Variants in PCDHGB2 observed in about 807,000 individuals in gnomAD.
PCDHGB2 encodes the protein protocadherin gamma subfamily B, 2.
In PCDHGB2, 55 loss-of-function variants were observed where a neutral mutation model predicts 59.3. The ratio of observed to expected loss-of-function variants is 0.93; its 90% CI spans 0.75 to 1.16. The LOEUF (loss-of-function observed/expected upper bound fraction) is 1.16. Among genes scored for constraint, PCDHGB2 ranks in the 50% most tolerant of loss-of-function variants. The pLI is 0.00. For missense variants in PCDHGB2, 1,228 were observed against 1,198.5 expected, an observed-to-expected ratio of 1.02 and a Z score of -0.36; for synonymous variants, 516 against 512.0, an observed-to-expected ratio of 1.01 and a Z score of -0.11.
intron 1 of PCDHGB2, chr5:141,365,288 G>T (rs1293975471): frequency 1.2e-6 from 2 of 1,613,842 alleles, no homozygotes; most frequent in African/African-American, 2.7e-5. Context: ...CATGGAAGTG[G>T]TAGCTCAGGA....
intron 1 of PCDHGB2, chr5:141,399,077 G>A (rs1589355843): frequency 6.2e-7 from 1 of 1,613,830 alleles, no homozygotes; most frequent in Non-Finnish European, 8.5e-7. Context: ...GTTGTAGAAG[G>A]GAGGGATGGT....
chr5:141,419,317 T>C, intron 1 of PCDHGB2: 1 of 1,613,952 alleles, frequency 6.2e-7, no homozygotes, highest in Non-Finnish European at 8.5e-7. Flanking sequence ...TCAACGGCCG[T>C]GTCTCCTACT....
intron 1 of PCDHGB2, among the ~76,000 whole-genome samples, chr5:141,479,909 A>G (rs2099509651): frequency 6.6e-6 from 1 of 152,160 alleles, no homozygotes; most frequent in South Asian, 2.1e-4. Context: ...AAACACTGTT[A>G]TTTTGTTACT....
At position 141,376,211 on chromosome 5, in the gene PCDHGB2, G is replaced by T; in HGVS notation, c.2421+13655G>T. The T allele has an allele frequency of 6.2e-7, 1 of 1,614,180 alleles. No homozygotes were observed. Among genetic ancestry groups the T allele is most frequent in the South Asian group, 1.1e-5 (1 of 91,070 alleles). ...CTGCGTCTTCCTGGCCTTCGTCATC[G>T]TGCTGCTGGCGCTCAGACTGCAGCG... On this transcript the variant is annotated intron_variant, in intron 1 of 3. Transcript: ENST00000522605.
intron 1 of PCDHGB2, among the ~76,000 whole-genome samples, chr5:141,401,455 A>G (rs1589438348): frequency 6.6e-6 from 1 of 152,256 alleles, no homozygotes; most frequent in East Asian, 1.9e-4. Flanking sequence ...AATCATCCAA[A>G]TAATTTTCTA....
At chr5:141,372,803 G>A (rs539583252) in intron 1 of PCDHGB2, 71 of 1,593,016 alleles carry the variant, frequency 4.5e-5, no homozygotes, top group Non-Finnish European at 6.1e-5. Flanking sequence ...CAGGCAATTT[G>A]CAAAAGGTGA....
intron 1 of PCDHGB2, among the ~76,000 whole-genome samples, chr5:141,459,759 G>A (rs1164466104): frequency 7.2e-5 from 11 of 152,206 alleles, no homozygotes; most frequent in Non-Finnish European, 2.9e-5. Context: ...TCTAGTGGGT[G>A]TGTGATACTA....
At chr5:141,369,226 G>A (rs1028209484) in intron 1 of PCDHGB2, among the ~76,000 whole-genome samples, 2 of 152,058 alleles carry the variant, frequency 1.3e-5, no homozygotes, top group African/African-American at 4.8e-5. Context: ...AAAGTGGACA[G>A]GAAGATTACT....
chr5:141,364,173 G>C, intron 1 of PCDHGB2: 1 of 806,624 alleles, frequency 1.2e-6, no homozygotes. Flanking sequence ...ACCCGACTCT[G>C]CTCCCTCCAT....
intron 1 of PCDHGB2, among the ~76,000 whole-genome samples, chr5:141,444,312 C>G (rs2098431691): frequency 6.6e-6 from 1 of 151,856 alleles, no homozygotes; most frequent in Non-Finnish European, 1.5e-5. Flanking sequence ...GCTAGGATTA[C>G]AGGCATGTGC....
In PCDHGB2 at chr5:141,421,591, G is replaced by A. The variant is rs1273484124; in HGVS notation, c.2421+59035G>A. The A allele has an allele frequency of 1.9e-6, 3 of 1,613,756 alleles. No homozygotes were observed. In the Admixed American group the frequency reaches 5.0e-5, roughly 27 times the overall value. ...CACCTTGAAGATTTACGGAGTGGAG[G>A]TGGAAATAATAGATATTAATGATAA... is the stretch of plus-strand genomic sequence containing the variant. On this transcript the variant is annotated intron_variant, in intron 1 of 3. Transcript: ENST00000522605.
Position 141,486,657 on chromosome 5 carries a change from T to C in PCDHGB2, c.2422-8150T>C. Reference sequence around the variant, plus strand: ...AATGCGCTTATCTCCTACTCACTCCTGGAGCCCAGGAATCGAGATGTATCA... The same window carrying C: ...AATGCGCTTATCTCCTACTCACTCCCGGAGCCCAGGAATCGAGATGTATCA... On this transcript the variant is annotated intron_variant, in intron 1 of 3. Transcript: ENST00000522605. The surrounding 1 kb of genome is among the most constrained non-coding windows in gnomAD (Gnocchi z 5.0). The C allele has an allele frequency of 6.2e-7, 1 of 1,614,010 alleles. No individual in the cohort carries two copies. Among genetic ancestry groups the C allele is most frequent in the Non-Finnish European group, 8.5e-7 (1 of 1,180,030 alleles).
rs2099695548 is a variant in PCDHGB2, at chr5:141,490,059, C to T, written c.2422-4748C>T. On this transcript the variant is annotated intron_variant, in intron 1 of 3. Coordinates refer to ENST00000522605, the MANE Select transcript of PCDHGB2 (RefSeq NM_018923.3). The surrounding 1 kb of genome is among the most constrained non-coding windows in gnomAD (Gnocchi z 5.4). ...ATGCCACTGATCCAGACGAGGGCAC[C>T]AACGGCCAACTAGACTATTCTTTTG... 1.2e-6 allele frequency: 2 copies of T among 1,614,242 alleles called. No individual in the cohort carries two copies. The highest frequency in any genetic ancestry group is 1.7e-6 in the Non-Finnish European group (2 of 1,180,030).
rs114847835 is a variant in PCDHGB2, at chr5:141,486,500, C to T, written c.2422-8307C>T. The T allele has an allele frequency of 6.2e-6, 10 of 1,614,008 alleles. No homozygotes were observed. The East Asian group carries it at 1.8e-4, about 29-fold the overall frequency. On this transcript the variant is annotated intron_variant, in intron 1 of 3. Coordinates refer to ENST00000522605, the MANE Select transcript of PCDHGB2 (RefSeq NM_018923.3). This position sits in a 1 kb window ranked among gnomAD's most constrained non-coding sequence, Gnocchi z 5.0. ...TCTCAGTACCCACAGAACTATTTTCCTCAATATTTCAGATGTGAATGATAA... is the reference window on the plus strand; with the variant it reads ...TCTCAGTACCCACAGAACTATTTTCTTCAATATTTCAGATGTGAATGATAA...
chr5:141,431,150 CCTTA>C lies in PCDHGB2; in HGVS notation c.2422-63653_2422-63650del, dbSNP rs1302288904. ...AGTAAGGGACATTAACGACAATGCG[CCTTA>C]CTTTCGTGAAAGTGAATTAGAAATA... On this transcript the variant is annotated intron_variant, in intron 1 of 3. Coordinates refer to ENST00000522605, the MANE Select transcript of PCDHGB2 (RefSeq NM_018923.3). The surrounding 1 kb of genome is among the most constrained non-coding windows in gnomAD (Gnocchi z 4.8). 3 of 1,614,226 alleles carry C rather than the reference CCTTA, an allele frequency of 1.9e-6. No individual in the cohort carries two copies. The highest frequency in any genetic ancestry group is 2.2e-5 in the East Asian group (1 of 44,876).
intron 1 of PCDHGB2, chr5:141,418,829 C>A: frequency 1.9e-6 from 3 of 1,613,856 alleles, no homozygotes; most frequent in Non-Finnish European, 1.7e-6. Context: ...AGCAAAAGAC[C>A]GAGGATCTCT....
At chr5:141,381,826 C>CTTTTTTTTTT (rs770630741) in intron 1 of PCDHGB2, among the ~76,000 whole-genome samples, 29 of 74,274 alleles carry the variant, frequency 3.9e-4, no homozygotes, top group South Asian at 5.1e-4. Context: ...CTTTCTTCTT[C>CTTTTTTTTTT]TTTTTTTTTT....
At chr5:141,364,392 G>A in intron 1 of PCDHGB2, 1 of 1,603,098 alleles carries the variant, frequency 6.2e-7, no homozygotes, top group East Asian at 2.2e-5. Flanking sequence ...ATGCTCCTGG[G>A]GACGCTGTGC....
chr5:141,386,593 A>G (rs1350788918), intron 1 of PCDHGB2, among the ~76,000 whole-genome samples: 3 of 151,446 alleles, frequency 2.0e-5, no homozygotes, highest in African/African-American at 7.3e-5. Context: ...TGTGGGGGAT[A>G]CATTTTTTTT....
Sources: gnomAD v4.1 joint callset for allele counts (sites outside exome capture counted in the v4.1 genomes callset) on GRCh38, gnomAD v4.1.1 for gene constraint, Gnocchi (gnomAD v3.1) non-coding constraint, MANE v1.5 for transcripts, NCBI Gene and HGNC (gene_info 2026-07-23, HGNC 2026-07-21) for gene names.